The following GANC variants were observed in gnomAD, a reference collection of about 807,000 sequenced individuals.
The protein encoded by GANC is neutral alpha-glucosidase C.
A neutral mutation model predicts 124.2 loss-of-function variants in GANC; 117 were observed. That is an observed-to-expected ratio of 0.94 (90% CI 0.81 to 1.10). The LOEUF is 1.10. GANC is among the 50% of genes least tolerant of loss of function. The probability of loss-of-function intolerance (pLI) is 0.00; values close to 1 mark genes in which losing one functional copy is unlikely to be tolerated. For synonymous variants in GANC, 377 were observed against 376.8 expected (o/e 1.00, Z -0.01); for missense variants, 1,140 against 1,095.0 (o/e 1.04, Z -0.58).
At chr15:42,333,664 C>T (rs1049918158) in intron 15 of GANC, among the ~76,000 whole-genome samples, 6 of 152,142 alleles carry the variant, frequency 3.9e-5, no homozygotes, top group African/African-American at 1.4e-4. Flanking sequence ...CTTCCCTCAT[C>T]TATAAAATTG....
At chr15:42,287,127 G>C (rs1305667872) in intron 3 of GANC, among the ~76,000 whole-genome samples, 1 of 152,150 alleles carries the variant, frequency 6.6e-6, no homozygotes, top group African/African-American at 2.4e-5. Context: ...AAAGTTCCCC[G>C]GGTCTATTTT....
intron 11 of GANC, among the ~76,000 whole-genome samples, chr15:42,325,969 G>A (rs564382189): frequency 1.1e-4 from 16 of 152,306 alleles, no homozygotes; most frequent in African/African-American, 3.8e-4. Context: ...TGTTGCCCAG[G>A]CTGGTCTCAA....
chr15:42,308,516 C>G (rs1443016946), intron 8 of GANC, among the ~76,000 whole-genome samples, 198 bp downstream of exon 8: 1 of 152,136 alleles, frequency 6.6e-6, no homozygotes, highest in Non-Finnish European at 1.5e-5. Context: ...CAGAGTCTTG[C>G]TCTGTCGCCC....
intron 6 of GANC, among the ~76,000 whole-genome samples, chr15:42,304,651 A>G (rs961069553): frequency 5.9e-5 from 9 of 152,238 alleles, no homozygotes; most frequent in African/African-American, 2.2e-4. Context: ...GAGTCCATAT[A>G]GCCAAGACAA....
chr15:42,292,376 T>TG (rs1441071381), intron 4 of GANC, among the ~76,000 whole-genome samples: 1 of 18,514 alleles, frequency 5.4e-5, no homozygotes, highest in African/African-American at 6.7e-5. Flanking sequence ...ATTTACTGTG[T>TG]GTTTTTTTTT....
At chr15:42,327,922 G>A (rs1386166611) in intron 13 of GANC, among the ~76,000 whole-genome samples, 2 of 152,222 alleles carry the variant, frequency 1.3e-5, no homozygotes, top group African/African-American at 4.8e-5. Flanking sequence ...AATGATGGCA[G>A]TGTTGATGAT....
At position 42,353,582 on chromosome 15, in the gene GANC, A is replaced by T; in HGVS notation, c.*1443A>T. 1.0e-6 allele frequency: 1 copy of T among 985,652 alleles called. No homozygotes were observed. Among genetic ancestry groups the T allele is most frequent in the Non-Finnish European group, 1.2e-6 (1 of 829,786 alleles). The allele number at this position is 985,652 out of a possible 1,614,324, so 61.1% of individuals were successfully genotyped here. A position where few individuals can be genotyped will look rare whatever the true frequency, so the allele number is the denominator to read the frequency against. On this transcript the variant is annotated 3_prime_UTR_variant, in exon 24 of 24. Transcript: ENST00000318010. The stretch of plus-strand genomic sequence containing the variant: ...CTGTTTCTCTTCTGTCTGACAGAGC[A>T]CTATTATACCTGACTTTCAGTAACT...
At chr15:42,343,792 A>T (rs1247880992) in intron 19 of GANC, among the ~76,000 whole-genome samples, 1 of 152,172 alleles carries the variant, frequency 6.6e-6, no homozygotes. Flanking sequence ...CTTCAGAGAC[A>T]GGCCACAGAT....
intron 10 of GANC, among the ~76,000 whole-genome samples, chr15:42,320,396 G>A (rs2052145921): frequency 6.6e-6 from 1 of 151,904 alleles, no homozygotes; most frequent in African/African-American, 2.4e-5. Context: ...TGTTTTCTTG[G>A]AGATCCTTTT....
At chr15:42,350,186 A>G (rs1489768928) in intron 22 of GANC, among the ~76,000 whole-genome samples, 1 of 151,066 alleles carries the variant, frequency 6.6e-6, no homozygotes, top group Non-Finnish European at 1.5e-5. Context: ...ATGCGCCACC[A>G]CGCCTGGCTA....
chr15:42,352,759 C>T lies in GANC; in HGVS notation c.*620C>T. On this transcript the variant is annotated 3_prime_UTR_variant, in exon 24 of 24. Transcript: ENST00000318010. ...ATAGTTTCTAATTAATCTTAAAATC[C>T]ATGTCTTTTACATTGTTTTTTTAAT... 3 of 979,184 alleles carry T rather than the reference C, an allele frequency of 3.1e-6. No homozygotes were observed. The highest frequency in any genetic ancestry group is 3.6e-6 in the Non-Finnish European group (3 of 823,872). The allele number at this position is 979,184 out of a possible 1,614,324, so 60.7% of individuals were successfully genotyped here.
chr15:42,288,972 G>C (rs887640892), intron 4 of GANC, among the ~76,000 whole-genome samples: 1 of 152,166 alleles, frequency 6.6e-6, no homozygotes, highest in Non-Finnish European at 1.5e-5. Flanking sequence ...ACTTGTGTTC[G>C]TAAGTAAGTT....
At chr15:42,330,868 G>A (rs2052239515) in intron 15 of GANC, among the ~76,000 whole-genome samples, 196 bp downstream of exon 15, 3 of 140,998 alleles carry the variant, frequency 2.1e-5, no homozygotes, top group Non-Finnish European at 4.6e-5. Flanking sequence ...ACTCACTGCA[G>A]CATTGACCAC....
intron 3 of GANC, among the ~76,000 whole-genome samples, chr15:42,281,464 G>A (rs530394878): frequency 2.2e-4 from 33 of 151,642 alleles, no homozygotes; most frequent in East Asian, 1.8e-3. Flanking sequence ...CAGGCAGATC[G>A]CTTGAGGCCA....
chr15:42,303,170 T>C (rs113283056), intron 6 of GANC, among the ~76,000 whole-genome samples: 9,830 of 152,254 alleles, frequency 0.065, 405 homozygotes, highest in South Asian at 0.16. Context: ...GCAGAAGCCC[T>C]ACAAGCCAGA....
chr15:42,336,889 A>G (rs1010050177), intron 15 of GANC, among the ~76,000 whole-genome samples: 7 of 152,224 alleles, frequency 4.6e-5, no homozygotes, highest in Non-Finnish European at 1.0e-4. Flanking sequence ...AAAAAGCTCA[A>G]CATCACTGAT....
chr15:42,325,154 T>G (rs769623494), intron 11 of GANC, among the ~76,000 whole-genome samples: 2 of 150,714 alleles, frequency 1.3e-5, no homozygotes, highest in Non-Finnish European at 3.0e-5. Context: ...GCACCTGTAA[T>G]CCCAGCTACT....
At chr15:42,278,291 A>G (rs1234185369) in intron 2 of GANC, among the ~76,000 whole-genome samples, 191 bp from the exon 3 acceptor site, 2 of 152,180 alleles carry the variant, frequency 1.3e-5, no homozygotes, top group Non-Finnish European at 2.9e-5. Context: ...TATTCTTACT[A>G]ATACTCATCT....
rs546894591 is a variant in GANC, at chr15:42,276,597, A to G, written c.92+187A>G. Among the ~76,000 whole-genome samples, 396 of 152,368 alleles carry G rather than the reference A, an allele frequency of 2.6e-3. 1 individual carries two copies. Among genetic ancestry groups the G allele is most frequent in the African/African-American group, 9.2e-3 (382 of 41,576 alleles). ...ACTCCTGAAGTATTTAAATTTTTCA[A>G]TAAACAGCTATTTTATTTTAAAAGC... is the stretch of plus-strand genomic sequence containing the variant. On this transcript the variant is annotated intron_variant, in intron 2 of 23. Transcript: ENST00000318010.
Sources: allele counts gnomAD v4.1 joint callset (sites outside exome capture counted in the v4.1 genomes callset), GRCh38; gene constraint gnomAD v4.1.1; transcripts MANE v1.5; gene names NCBI Gene and HGNC (gene_info 2026-07-23, HGNC 2026-07-21).